The following SYNE1 variants were observed in gnomAD, a reference collection of about 807,000 sequenced individuals.
The protein encoded by SYNE1 is nesprin-1.
SYNE1 carries 616 observed loss-of-function variants against 1,111.0 expected under a neutral mutation model. That is an observed-to-expected ratio of 0.55 (90% confidence interval 0.52 to 0.59). SYNE1 has a LOEUF of 0.59. Among genes scored for constraint, SYNE1 ranks in the 20% least tolerant of loss-of-function variants. SYNE1 has a pLI of 0.00. For synonymous variants in SYNE1, 3,855 were observed against 3,825.8 expected, an observed-to-expected ratio of 1.01 and a Z score of -0.28; for missense variants, 10,006 against 10,417.0, an observed-to-expected ratio of 0.96 and a Z score of 1.72.
At position 152,225,876 on chromosome 6, in the gene SYNE1, C is replaced by T; in HGVS notation, c.21196G>A (p.Asp7066Asn). Residue 7066 changes from aspartate (D) to asparagine (N), a missense_variant and splice_region_variant, in exon 116 of 146, where the codon GAT (aspartate) becomes AAT (asparagine). Transcript: ENST00000367255. Reference sequence around the variant, plus strand: ...TTTGCTTTAATCAAATCTTCCAGATCCTGAAAGATTTAAAAAATAGTCACT... The same window carrying T: ...TTTGCTTTAATCAAATCTTCCAGATTCTGAAAGATTTAAAAAATAGTCACT... ...SVQNALKDCQDLEDLIKAKEK... is the reference protein window; with the variant it reads ...SVQNALKDCQNLEDLIKAKEK... The T allele has an allele frequency of 6.2e-7, 1 of 1,612,148 alleles. No homozygotes were observed. Among genetic ancestry groups the T allele is most frequent in the Non-Finnish European group, 8.5e-7 (1 of 1,179,466 alleles).
At chr6:152,289,299 A>G (rs1168304165) in intron 95 of SYNE1, among the ~76,000 whole-genome samples, 1 of 152,246 alleles carries the variant, frequency 6.6e-6, no homozygotes, top group Non-Finnish European at 1.5e-5. Context: ...AGCTTAGAGA[A>G]GTTCCATGAG....
At chr6:152,297,767 C>T (rs2094948143) in intron 93 of SYNE1, among the ~76,000 whole-genome samples, 1 of 147,428 alleles carries the variant, frequency 6.8e-6, no homozygotes, top group Non-Finnish European at 1.5e-5. Context: ...TAATTTTTTT[C>T]TGGCAGTCTC....
chr6:152,445,976 G>T (rs1049624325), intron 29 of SYNE1, among the ~76,000 whole-genome samples: 4 of 152,078 alleles, frequency 2.6e-5, no homozygotes, highest in Admixed American at 2.0e-4. Flanking sequence ...ATTAATGTCT[G>T]TATGAACATT....
chr6:152,318,474 T>A, intron 85 of SYNE1: 1 of 626,158 alleles, frequency 1.6e-6, no homozygotes, highest in Non-Finnish European at 2.8e-6. Flanking sequence ...TGAGGCTGAG[T>A]GAGAAGGCTA....
chr6:152,462,231 GT>G lies in SYNE1; in HGVS notation c.2251-492del, dbSNP rs200925306. 8.9e-3 allele frequency among the ~76,000 whole-genome samples: 1,350 copies of G among 151,358 alleles called. 19 individuals carry two copies. The highest frequency in any genetic ancestry group is 0.026 in the African/African-American group (1,089 of 41,358). On this transcript the variant is annotated intron_variant, in intron 20 of 145. Coordinates refer to ENST00000367255, the MANE Select transcript of SYNE1 (RefSeq NM_182961.4). ...CAACATCTTATCTATACATCATTAA[GT>G]TTTTTTTTCCTGTGTTTACACCCAT... is the stretch of plus-strand genomic sequence containing the variant.
chr6:152,253,678 TAAA>T (rs1389581481), intron 104 of SYNE1, among the ~76,000 whole-genome samples: 2 of 152,056 alleles, frequency 1.3e-5, no homozygotes, highest in Non-Finnish European at 2.9e-5. Context: ...ATTTTGTGAA[TAAA>T]AAAATGAAAC....
intron 87 of SYNE1, chr6:152,315,197 C>CTTTTTTTTTTTTTTTTTTTTTTTTTT: frequency 9.0e-6 from 1 of 110,944 alleles, no homozygotes; most frequent in Non-Finnish European, 1.8e-5. Context: ...AGAGTAGTAA[C>CTTTTTTTTTTTTTTTTTTTTTTTTTT]TTTTTTTTTT....
chr6:152,452,248 G>A (rs185547838), intron 25 of SYNE1, among the ~76,000 whole-genome samples: 1 of 152,216 alleles, frequency 6.6e-6, no homozygotes, highest in East Asian at 1.9e-4. Context: ...TAAGATGACT[G>A]ATGAGAAAAA....
chr6:152,366,158 C>T (rs2154079111), intron 62 of SYNE1, among the ~76,000 whole-genome samples: 1 of 152,044 alleles, frequency 6.6e-6, no homozygotes, highest in Admixed American at 6.5e-5. Flanking sequence ...CATGGAGAAA[C>T]CCCGTCTCTA....
Position 152,321,328 on chromosome 6 carries a change from C to A in SYNE1, c.16146G>T (p.Lys5382Asn). ...QNIEKMAEEQ[K>N]EKYLGLYTIL... ...TGGTATAAAGACCTAAGTACTTCTC[C>A]TTCTGTTCTTCTGCCATTTTTTCAA... is the stretch of plus-strand genomic sequence containing the variant. The change falls in exon 84 of 146, where the codon AAG becomes AAT. Residue 5382 changes from lysine to asparagine, a missense_variant. Physicochemically the swap from Lys to Asn is moderately conservative, Grantham distance 94 (BLOSUM62 0). Around this residue, in one of 7 missense-constraint regions of SYNE1, gnomAD observed 4,955 missense variants for 5,017.2 expected, o/e 0.99. Coordinates refer to ENST00000367255, the MANE Select transcript of SYNE1 (RefSeq NM_182961.4). 1 of 1,613,840 alleles carries A rather than the reference C, an allele frequency of 6.2e-7. No homozygotes were observed. The highest frequency in any genetic ancestry group is 8.5e-7 in the Non-Finnish European group (1 of 1,179,912).
chr6:152,510,874 G>T, intron 7 of SYNE1, 137 bp downstream of exon 7: 3 of 842,068 alleles, frequency 3.6e-6, no homozygotes, highest in Non-Finnish European at 6.1e-6. Flanking sequence ...AAGAAACAAC[G>T]TATGTGTGAA....
intron 14 of SYNE1, among the ~76,000 whole-genome samples, chr6:152,475,004 A>T (rs1459677517): frequency 1.3e-5 from 2 of 152,322 alleles, no homozygotes; most frequent in East Asian, 3.9e-4. Context: ...ATAATAATAA[A>T]TAAATGTGAA....
At position 152,406,798 on chromosome 6, in the gene SYNE1, G is replaced by A. The variant is rs575117258; in HGVS notation, c.6723+216C>T. On this transcript the variant is annotated intron_variant, in intron 45 of 145. Transcript: ENST00000367255. Reference sequence around the variant, plus strand: ...CAGGAGAATCGCTTGAACCCAGGAGGTGGAGGTTGCAGTGAGCCGAGATCT... The same window carrying A: ...CAGGAGAATCGCTTGAACCCAGGAGATGGAGGTTGCAGTGAGCCGAGATCT... Among the ~76,000 whole-genome samples the A allele has an allele frequency of 2.0e-4, 30 of 152,128 alleles. 1 individual carries two copies. The highest frequency in any genetic ancestry group is 7.2e-4 in the African/African-American group (30 of 41,516).
chr6:152,301,796 G>T, intron 92 of SYNE1, 73 bp downstream of exon 92: 1 of 1,477,728 alleles, frequency 6.8e-7, no homozygotes, highest in East Asian at 2.3e-5. Flanking sequence ...AATCAGCCAC[G>T]GAGAGGGAAC....
At position 152,244,436 on chromosome 6, in the gene SYNE1, C is replaced by A. The variant is rs903068685; in HGVS notation, c.19692+101G>T. On this transcript the variant is annotated intron_variant, in intron 106 of 145. Transcript: ENST00000367255. ...GGTAGAAAGGTTAGGACCTAAGTGGCGTGAATTTTATAAAGAAAGCCAAGA... is the reference window on the plus strand; with the variant it reads ...GGTAGAAAGGTTAGGACCTAAGTGGAGTGAATTTTATAAAGAAAGCCAAGA... The A allele has an allele frequency of 2.7e-5, 42 of 1,578,326 alleles. No individual in the cohort carries two copies. The Middle Eastern group carries it at 5.0e-4, about 19-fold the overall frequency.
At chr6:152,322,523 C>G (rs757256664) in intron 82 of SYNE1, among the ~76,000 whole-genome samples, 2 of 152,142 alleles carry the variant, frequency 1.3e-5, no homozygotes, top group Non-Finnish European at 2.9e-5. Flanking sequence ...GATTAACTTG[C>G]TCTTTCTACT....
chr6:152,620,016 A>T (rs1055838567), intron 3 of SYNE1, among the ~76,000 whole-genome samples: 9 of 152,338 alleles, frequency 5.9e-5, no homozygotes, highest in Non-Finnish European at 7.4e-5. Flanking sequence ...TCCAGAAATG[A>T]TTTTAAATGA....
At chr6:152,362,062 T>C in intron 64 of SYNE1, 108 bp downstream of exon 64, 1 of 1,461,126 alleles carries the variant, frequency 6.8e-7, no homozygotes. Flanking sequence ...CAAACGTAAT[T>C]TGCTTATGTG....
At chr6:152,420,062 AG>A (rs2154187432) in intron 39 of SYNE1, among the ~76,000 whole-genome samples, 1 of 152,370 alleles carries the variant, frequency 6.6e-6, no homozygotes, top group South Asian at 2.1e-4. Flanking sequence ...ATATGTTATC[AG>A]TAATAATTAT....
Sources: allele counts gnomAD v4.1 joint callset (sites outside exome capture counted in the v4.1 genomes callset), GRCh38; gene constraint gnomAD v4.1.1; regional missense constraint gnomAD v4.1.1; transcripts MANE v1.5; gene names NCBI Gene and HGNC (gene_info 2026-07-23, HGNC 2026-07-21).